Variants in PKHD1L1 observed in about 807,000 individuals in gnomAD.
The protein encoded by PKHD1L1 is PKHD1 like 1.
Under a neutral mutation model 462.9 loss-of-function variants are expected in PKHD1L1, and 434 were observed. The observed-to-expected ratio is 0.94, with a 90% CI of 0.87 to 1.02. The LOEUF (loss-of-function observed/expected upper bound fraction) is 1.02, where lower values mean the gene tolerates loss of function less well. Ranked by LOEUF, PKHD1L1 falls within the 50% of genes least tolerant of loss-of-function variation. The probability of loss-of-function intolerance (pLI) is 0.00; values close to 1 mark genes in which losing one functional copy is unlikely to be tolerated. For synonymous variants in PKHD1L1, 1,781 were observed against 1,750.0 expected (o/e 1.02, Z -0.44); for missense variants, 5,202 against 5,096.1 (o/e 1.02, Z -0.63).
chr8:109,371,520 T>C (rs1811507774), intron 2 of PKHD1L1, among the ~76,000 whole-genome samples: 1 of 150,178 alleles, frequency 6.7e-6, no homozygotes, highest in African/African-American at 2.5e-5. Flanking sequence ...TAGATCCCAT[T>C]TGTCAATTTT....
intron 14 of PKHD1L1, among the ~76,000 whole-genome samples, chr8:109,403,240 A>G (rs1020850289): frequency 4.6e-5 from 7 of 152,186 alleles, no homozygotes; most frequent in Non-Finnish European, 1.0e-4. Flanking sequence ...TTTATTGTAA[A>G]GTGGCTCTTC....
chr8:109,533,359 T>C lies in PKHD1L1; in HGVS notation c.*3269T>C, dbSNP rs1294400562. Among the ~76,000 whole-genome samples the C allele has an allele frequency of 6.6e-6, 1 of 152,250 alleles. No homozygotes were observed. Among genetic ancestry groups the C allele is most frequent in the Non-Finnish European group, 1.5e-5 (1 of 68,042 alleles). ...GGCGGTAAAATGATAGCCACTCTTG[T>C]TTTTATTTCCATAATGTGGCCTATA... On this transcript the variant is annotated 3_prime_UTR_variant, in exon 78 of 78. Transcript: ENST00000378402.
intron 4 of PKHD1L1, among the ~76,000 whole-genome samples, chr8:109,383,359 TTATAA>T (rs1254536017): frequency 1.2e-4 from 14 of 112,440 alleles, no homozygotes; most frequent in East Asian, 1.1e-3. Flanking sequence ...ATATTATATA[TTATAA>T]TATATTATAT....
At chr8:109,422,780 T>TA (rs1376731820) in intron 23 of PKHD1L1, among the ~76,000 whole-genome samples, 4 of 152,218 alleles carry the variant, frequency 2.6e-5, no homozygotes, top group African/African-American at 9.6e-5. Flanking sequence ...GTATAGTTTT[T>TA]AAAGAAACTA....
intron 2 of PKHD1L1, among the ~76,000 whole-genome samples, chr8:109,367,027 A>G (rs1448153311): frequency 6.6e-6 from 1 of 152,206 alleles, no homozygotes. Flanking sequence ...CTTATATCCA[A>G]GCTCATAAAG....
chr8:109,400,995 T>G (rs1435528476), intron 13 of PKHD1L1, among the ~76,000 whole-genome samples: 1 of 152,142 alleles, frequency 6.6e-6, no homozygotes, highest in African/African-American at 2.4e-5. Context: ...TTATGAATTC[T>G]AATTTTTATC....
intron 19 of PKHD1L1, among the ~76,000 whole-genome samples, chr8:109,410,788 G>T (rs1345064833): frequency 3.9e-5 from 5 of 129,250 alleles, no homozygotes; most frequent in African/African-American, 1.6e-4. Context: ...GAGTGCAGTG[G>T]CACGATCTTG....
At position 109,385,601 on chromosome 8, in the gene PKHD1L1, C is replaced by T; in HGVS notation, c.540C>T (p.Ser180=). ...TCTATGGAAGTAATATTGCACTAAG[C>T]TCAAATGGGAAAAATGTTAGGATTT... ...TDVYGSNIAL[S]SNGKNVRILR... The change falls in exon 6 of 78, where the codon AGC becomes AGT. Residue 180 remains serine, a synonymous_variant. Coordinates refer to ENST00000378402, the MANE Select transcript of PKHD1L1 (RefSeq NM_177531.6). The T allele has an allele frequency of 7.5e-6, 12 of 1,601,360 alleles. No individual in the cohort carries two copies. Among genetic ancestry groups the T allele is most frequent in the Non-Finnish European group, 1.0e-5 (12 of 1,170,930 alleles).
chr8:109,423,902 C>T (rs934269732), intron 23 of PKHD1L1, among the ~76,000 whole-genome samples: 1 of 152,150 alleles, frequency 6.6e-6, no homozygotes, highest in Non-Finnish European at 1.5e-5. Context: ...TCATTTTCTT[C>T]GAGCAGTTGT....
intron 71 of PKHD1L1, among the ~76,000 whole-genome samples, chr8:109,513,975 C>T (rs1820136033): frequency 6.6e-6 from 1 of 152,068 alleles, no homozygotes; most frequent in African/African-American, 2.4e-5. Flanking sequence ...ACGTCTCTCC[C>T]ATGCCCCAAA....
At chr8:109,490,945 T>C (rs1486936549) in intron 60 of PKHD1L1, 27 bp from the exon 61 acceptor site, 4 of 1,534,232 alleles carry the variant, frequency 2.6e-6, no homozygotes, top group Middle Eastern at 1.7e-4. Context: ...ATTTTAAAAA[T>C]GTTCTCTGTA....
At chr8:109,493,103 A>G (rs1472895442) in intron 62 of PKHD1L1, among the ~76,000 whole-genome samples, 1 of 151,142 alleles carries the variant, frequency 6.6e-6, no homozygotes, top group Admixed American at 6.6e-5. Context: ...AGGTTGAGTT[A>G]AGAGGATTGC....
At position 109,464,676 on chromosome 8, in the gene PKHD1L1, C is replaced by T. The variant is rs148709032; in HGVS notation, c.7844C>T (p.Thr2615Ile). 5 of 1,613,480 alleles carry T rather than the reference C, an allele frequency of 3.1e-6. No individual in the cohort carries two copies. The East Asian group carries it at 1.1e-4, about 36-fold the overall frequency. Residue 2615 changes from threonine to isoleucine, a missense_variant, in exon 49 of 78, where the codon ACT becomes ATT. Transcript: ENST00000378402. Reference sequence around the variant, plus strand: ...CCCCTTGGCGAATTTTTTAACAATACTGTCCATTCTCAAGGTTGGTTTGGA... The same window carrying T: ...CCCCTTGGCGAATTTTTTAACAATATTGTCCATTCTCAAGGTTGGTTTGGA... ...RVPLGEFFNN[T>I]VHSQGWFGMW...
intron 49 of PKHD1L1, 133 bp downstream of exon 49, chr8:109,465,378 T>C: frequency 1.0e-6 from 1 of 960,724 alleles, no homozygotes; most frequent in Non-Finnish European, 1.5e-6. Flanking sequence ...ATAATTTAAA[T>C]GATAGAGGCA....
intron 24 of PKHD1L1, among the ~76,000 whole-genome samples, chr8:109,426,434 C>T (rs1814753316): frequency 1.3e-5 from 2 of 151,766 alleles, no homozygotes; most frequent in South Asian, 2.1e-4. Context: ...GTATGAGGTA[C>T]ATTACTCATA....
At chr8:109,499,461 T>A (rs1367074558) in intron 67 of PKHD1L1, among the ~76,000 whole-genome samples, 1 of 152,198 alleles carries the variant, frequency 6.6e-6, no homozygotes, top group Non-Finnish European at 1.5e-5. Flanking sequence ...TTAGCAACAC[T>A]TTTAAGTGTT....
At position 109,382,578 on chromosome 8, in the gene PKHD1L1, A is replaced by G; in HGVS notation, c.417+7A>G. ...CTGGGAATGTACCTTCAACGTATGT[A>G]GGAATCTTCTCTTCAGTTTATGTAT... On this transcript the variant is annotated splice_region_variant and intron_variant, in intron 4 of 77. Coordinates refer to ENST00000378402, the MANE Select transcript of PKHD1L1 (RefSeq NM_177531.6). The G allele has an allele frequency of 6.3e-7, 1 of 1,599,990 alleles. No homozygotes were observed. The highest frequency in any genetic ancestry group is 8.5e-7 in the Non-Finnish European group (1 of 1,171,626).
intron 49 of PKHD1L1, 52 bp from the exon 50 acceptor site, chr8:109,466,526 T>G: frequency 6.7e-7 from 1 of 1,486,882 alleles, no homozygotes. Context: ...TAGACCTTTT[T>G]TATGTTTCTT....
chr8:109,376,456 G>A (rs996783256), intron 2 of PKHD1L1, among the ~76,000 whole-genome samples: 6 of 152,158 alleles, frequency 3.9e-5, no homozygotes, highest in Admixed American at 6.5e-5. Context: ...CCCGGGTGAG[G>A]TGATGCCTCG....
Sources: gnomAD v4.1 joint callset for allele counts (sites outside exome capture counted in the v4.1 genomes callset) on GRCh38, gnomAD v4.1.1 for gene constraint, MANE v1.5 for transcripts, NCBI Gene and HGNC (gene_info 2026-07-23, HGNC 2026-07-21) for gene names.